MAP2K5: variants seen among roughly 807,000 people sequenced by gnomAD.
MAP2K5 encodes the protein mitogen-activated protein kinase kinase 5.
Under a neutral mutation model 83.1 loss-of-function variants are expected in MAP2K5, and 49 were observed. The observed-to-expected ratio is 0.59, with a 90% CI of 0.47 to 0.75. The LOEUF (loss-of-function observed/expected upper bound fraction) is 0.75. MAP2K5 is among the 30% of genes least tolerant of loss of function. MAP2K5 has a pLI of 0.00. For synonymous variants in MAP2K5, 202 were observed against 191.8 expected (o/e 1.05, Z -0.44); for missense variants, 457 against 557.5 (o/e 0.82, Z 1.82).
At chr15:67,641,780 C>G in intron 9 of MAP2K5, 2 of 226,258 alleles carry the variant, frequency 8.8e-6, no homozygotes, top group Non-Finnish European at 1.5e-5. Context: ...GGAGTCCGTA[C>G]TTTCCTTGGA....
rs1208279026 is a variant in MAP2K5, at chr15:67,574,705, A to G, written c.253-6049A>G. Among the ~76,000 whole-genome samples the G allele has an allele frequency of 2.6e-5, 4 of 151,742 alleles. No individual in the cohort carries two copies. In the South Asian group the frequency reaches 6.3e-4, roughly 24 times the overall value. On this transcript the variant is annotated intron_variant, in intron 3 of 21. Transcript: ENST00000178640. ...AACATGGGGAAACCCCGTCTCTACTAAAAATACAAAAATTAGCTGGGCGTG... is the reference window on the plus strand; with the variant it reads ...AACATGGGGAAACCCCGTCTCTACTGAAAATACAAAAATTAGCTGGGCGTG...
intron 11 of MAP2K5, among the ~76,000 whole-genome samples, chr15:67,658,017 A>G (rs1171494772): frequency 6.6e-6 from 1 of 152,104 alleles, no homozygotes; most frequent in Non-Finnish European, 1.5e-5. Context: ...CAATTTTTTT[A>G]TAGAACTGAA....
chr15:67,634,404 A>AAAAAAG, intron 9 of MAP2K5, among the ~76,000 whole-genome samples: 1 of 138,724 alleles, frequency 7.2e-6, no homozygotes, highest in Admixed American at 7.3e-5. Flanking sequence ...AAAAAAAAAA[A>AAAAAAG]AAAAAGAATG....
chr15:67,727,551 G>A (rs1163906138), intron 16 of MAP2K5, among the ~76,000 whole-genome samples: 2 of 152,166 alleles, frequency 1.3e-5, no homozygotes, highest in Admixed American at 1.3e-4. Flanking sequence ...ACAATTAGAT[G>A]TTCCCATTTT....
chr15:67,580,136 T>C (rs1437576427), intron 3 of MAP2K5, among the ~76,000 whole-genome samples: 1 of 152,208 alleles, frequency 6.6e-6, no homozygotes, highest in African/African-American at 2.4e-5. Context: ...TAGAACTTTA[T>C]TTTTTGTGTG....
Position 67,559,924 on chromosome 15 carries a change from G to A in MAP2K5, c.185-3359G>A, listed in dbSNP as rs1230852959. Reference sequence around the variant, plus strand: ...TGCTTCTTAGTACCACTACTTTCTAGTGTTGTTCTCTAACATATTTGTACC... The same window carrying A: ...TGCTTCTTAGTACCACTACTTTCTAATGTTGTTCTCTAACATATTTGTACC... On this transcript the variant is annotated intron_variant, in intron 2 of 21. Coordinates refer to ENST00000178640, the MANE Select transcript of MAP2K5 (RefSeq NM_145160.3). The surrounding 1 kb of genome is among the most constrained non-coding windows in gnomAD (Gnocchi z 4.7). Among the ~76,000 whole-genome samples, 4 of 152,158 alleles carry A rather than the reference G, an allele frequency of 2.6e-5. No individual in the cohort carries two copies. Among genetic ancestry groups the A allele is most frequent in the Admixed American group, 2.0e-4 (3 of 15,278 alleles).
intron 8 of MAP2K5, among the ~76,000 whole-genome samples, chr15:67,630,152 T>C (rs1254962472): frequency 6.6e-6 from 1 of 152,172 alleles, no homozygotes; most frequent in Non-Finnish European, 1.5e-5. Context: ...GAGGATCGCT[T>C]GAGCTGAGGA....
chr15:67,543,573 T>A lies in MAP2K5; in HGVS notation c.135+103T>A. On this transcript the variant is annotated intron_variant, in intron 1 of 21. Transcript: ENST00000178640. This position sits in a 1 kb window ranked among gnomAD's most constrained non-coding sequence, Gnocchi z 4.3. ...GACCTGAGCCAGTGGCAATGGCTAC[T>A]GCTGGCTTCCTGTGGAGGCAGTTTT... is the stretch of plus-strand genomic sequence containing the variant. 2.2e-6 allele frequency: 3 copies of A among 1,362,532 alleles called. No homozygotes were observed. The highest frequency in any genetic ancestry group is 1.3e-5 in the South Asian group (1 of 79,712). 84.4% of individuals were successfully genotyped at this position (1,362,532 alleles called of 1,614,324 possible).
chr15:67,612,375 T>C lies in MAP2K5; in HGVS notation c.545+11626T>C, dbSNP rs181444378. Among the ~76,000 whole-genome samples the C allele has an allele frequency of 2.0e-3, 300 of 152,290 alleles. 2 individuals are homozygous for C. Among genetic ancestry groups the C allele is most frequent in the African/African-American group, 6.7e-3 (280 of 41,562 alleles). ...TGAGGGAGAATGTTCTAACACAGTT[T>C]ATATATTTTTGTAACTCAACAAAGG... On this transcript the variant is annotated intron_variant, in intron 8 of 21. Transcript: ENST00000178640.
In MAP2K5 at chr15:67,552,652, G is replaced by A. The variant is rs1331894373; in HGVS notation, c.184+2570G>A. On this transcript the variant is annotated intron_variant, in intron 2 of 21. Coordinates refer to ENST00000178640, the MANE Select transcript of MAP2K5 (RefSeq NM_145160.3). The surrounding 1 kb of genome is among the most constrained non-coding windows in gnomAD (Gnocchi z 4.2). Reference sequence around the variant, plus strand: ...GGGTCTTGCTGTGTTGCTCAGGCTGGTCTTGAACTCCTGGCCTCAAGTGAT... The same window carrying A: ...GGGTCTTGCTGTGTTGCTCAGGCTGATCTTGAACTCCTGGCCTCAAGTGAT... Among the ~76,000 whole-genome samples, 3 of 152,082 alleles carry A rather than the reference G, an allele frequency of 2.0e-5. No individual in the cohort carries two copies. Among genetic ancestry groups the A allele is most frequent in the Admixed American group, 6.5e-5 (1 of 15,270 alleles).
Position 67,748,345 on chromosome 15 carries a change from T to G in MAP2K5, c.1101+88T>G. On this transcript the variant is annotated intron_variant, in intron 18 of 21. Coordinates refer to ENST00000178640, the MANE Select transcript of MAP2K5 (RefSeq NM_145160.3). The surrounding 1 kb of genome is among the most constrained non-coding windows in gnomAD (Gnocchi z 4.0). Reference sequence around the variant, plus strand: ...ATGCTTGAATGCCTTGTTTTAAACTTAGCAAATTGCATTTTGAAGAAAATG... The same window carrying G: ...ATGCTTGAATGCCTTGTTTTAAACTGAGCAAATTGCATTTTGAAGAAAATG... The G allele has an allele frequency of 1.7e-6, 2 of 1,186,040 alleles. No individual in the cohort carries two copies. The highest frequency in any genetic ancestry group is 2.6e-5 in the South Asian group (2 of 76,860). 73.5% of individuals were successfully genotyped at this position (1,186,040 alleles called of 1,614,324 possible). A position where few individuals can be genotyped will look rare whatever the true frequency, so the allele number is the denominator to read the frequency against.
Position 67,748,014 on chromosome 15 carries a change from G to T in MAP2K5, c.1075-217G>T, listed in dbSNP as rs1217486392. 6.6e-6 allele frequency among the ~76,000 whole-genome samples: 1 copy of T among 152,146 alleles called. No homozygotes were observed. The highest frequency in any genetic ancestry group is 2.4e-5 in the African/African-American group (1 of 41,428). ...TCCCTATTCTAATACAACCTGGAGG[G>T]TACTAAAAAGTGTTGTGTGAAATTA... is the stretch of plus-strand genomic sequence containing the variant. On this transcript the variant is annotated intron_variant, in intron 17 of 21. Coordinates refer to ENST00000178640, the MANE Select transcript of MAP2K5 (RefSeq NM_145160.3). The surrounding 1 kb of genome is among the most constrained non-coding windows in gnomAD (Gnocchi z 4.0).
In MAP2K5 at chr15:67,559,930, T is replaced by C. The variant is rs2084701981; in HGVS notation, c.185-3353T>C. On this transcript the variant is annotated intron_variant, in intron 2 of 21. Transcript: ENST00000178640. The surrounding 1 kb of genome is among the most constrained non-coding windows in gnomAD (Gnocchi z 4.7). ...TTAGTACCACTACTTTCTAGTGTTG[T>C]TCTCTAACATATTTGTACCTCTGAA... Among the ~76,000 whole-genome samples the C allele has an allele frequency of 6.6e-6, 1 of 152,238 alleles. No homozygotes were observed. Among genetic ancestry groups the C allele is most frequent in the African/African-American group, 2.4e-5 (1 of 41,456 alleles).
At chr15:67,737,979 G>A (rs2089381103) in intron 17 of MAP2K5, among the ~76,000 whole-genome samples, 1 of 148,066 alleles carries the variant, frequency 6.8e-6, no homozygotes, top group Admixed American at 6.9e-5. Flanking sequence ...AGCCTCCCGA[G>A]TAGCTGGGAT....
chr15:67,792,483 G>C (rs1328887268), intron 21 of MAP2K5, among the ~76,000 whole-genome samples: 1 of 152,130 alleles, frequency 6.6e-6, no homozygotes, highest in Non-Finnish European at 1.5e-5. Context: ...GTTTGTCATT[G>C]TTTATCTAAT....
chr15:67,604,933 C>T (rs1477568993), intron 8 of MAP2K5, among the ~76,000 whole-genome samples: 4 of 151,864 alleles, frequency 2.6e-5, no homozygotes. Context: ...ATGAGAAGAT[C>T]CGTAAAAGGC....
intron 9 of MAP2K5, among the ~76,000 whole-genome samples, chr15:67,641,962 A>G (rs11631559): frequency 0.98 from 149,603 of 152,306 alleles, 73,542 homozygotes; most frequent in Middle Eastern, 1. Context: ...GAGCATTTGA[A>G]TAGAGTTATT....
At chr15:67,617,972 G>T (rs2086091952) in intron 8 of MAP2K5, among the ~76,000 whole-genome samples, 1 of 152,176 alleles carries the variant, frequency 6.6e-6, no homozygotes, top group African/African-American at 2.4e-5. Context: ...GGGATTACAG[G>T]TGTGAGCCAC....
At chr15:67,629,500 T>G (rs1215118323) in intron 8 of MAP2K5, among the ~76,000 whole-genome samples, 1 of 152,212 alleles carries the variant, frequency 6.6e-6, no homozygotes, top group East Asian at 1.9e-4. Context: ...AACCAAATTT[T>G]CTGCTAAACA....
Sources: gnomAD v4.1 joint callset for allele counts (sites outside exome capture counted in the v4.1 genomes callset) on GRCh38, gnomAD v4.1.1 for gene constraint, Gnocchi (gnomAD v3.1) non-coding constraint, MANE v1.5 for transcripts, NCBI Gene and HGNC (gene_info 2026-07-23, HGNC 2026-07-21) for gene names.